The following SNTB2 variants were observed in gnomAD, a reference collection of about 807,000 sequenced individuals.
SNTB2 encodes the protein syntrophin beta 2, also known as beta-2-syntrophin.
A neutral mutation model predicts 46.2 loss-of-function variants in SNTB2; 34 were observed. That is an observed-to-expected ratio of 0.74 (90% confidence interval 0.56 to 0.98). The LOEUF (loss-of-function observed/expected upper bound fraction) is 0.98. Among genes scored for constraint, SNTB2 ranks in the 50% least tolerant of loss-of-function variants. The pLI is 0.00. For missense variants in SNTB2, 603 were observed against 731.4 expected (o/e 0.82, Z 2.02); for synonymous variants, 290 against 312.6 (o/e 0.93, Z 0.76).
At chr16:69,187,849 C>T in intron 1 of SNTB2, 103 bp downstream of exon 1, 2 of 945,074 alleles carry the variant, frequency 2.1e-6, no homozygotes, top group Non-Finnish European at 1.5e-6. Flanking sequence ...GTTCTCTCCC[C>T]GTCTCTCTCC....
chr16:69,211,618 GT>G (rs1964288111), intron 1 of SNTB2, among the ~76,000 whole-genome samples: 1 of 151,974 alleles, frequency 6.6e-6, no homozygotes, highest in South Asian at 2.1e-4. Flanking sequence ...TTGTTAATTG[GT>G]TTGTTTGTTT....
chr16:69,202,855 C>T (rs1472048582), intron 1 of SNTB2, among the ~76,000 whole-genome samples: 4 of 151,942 alleles, frequency 2.6e-5, no homozygotes, highest in Admixed American at 1.3e-4. Flanking sequence ...GGATTATAGG[C>T]GTGACCCAGC....
intron 2 of SNTB2, among the ~76,000 whole-genome samples, chr16:69,253,372 G>A (rs989184949): frequency 7.3e-5 from 11 of 151,704 alleles, no homozygotes; most frequent in African/African-American, 2.4e-4. Flanking sequence ...TTAACTGGCC[G>A]GGCGTGGTGC....
chr16:69,245,536 C>CT (rs1964662018), intron 1 of SNTB2, 66 bp from the exon 2 acceptor site: 1 of 1,449,834 alleles, frequency 6.9e-7, no homozygotes, highest in Non-Finnish European at 9.7e-7. Flanking sequence ...TATGTGAATA[C>CT]TTTAGTTATC....
At chr16:69,230,422 C>G (rs1002330184) in intron 1 of SNTB2, 28 of 151,440 alleles carry the variant, frequency 1.8e-4, no homozygotes, top group African/African-American at 6.8e-4. Flanking sequence ...AGTGCAACGG[C>G]GCAATCTCGG....
intron 1 of SNTB2, among the ~76,000 whole-genome samples, chr16:69,224,658 T>G (rs1964442441): frequency 1.3e-5 from 2 of 152,240 alleles, no homozygotes; most frequent in Admixed American, 1.3e-4. Flanking sequence ...TTTCTATTTA[T>G]CTCATGCCTA....
Position 69,196,278 on chromosome 16 carries a change from T to A in SNTB2, c.580+8532T>A, listed in dbSNP as rs557858163. Among the ~76,000 whole-genome samples the A allele has an allele frequency of 8.6e-5, 13 of 151,896 alleles. No individual in the cohort carries two copies. The South Asian group carries it at 2.7e-3, about 32-fold the overall frequency. ...CAAAAGTGGCTAAGTTGTACATTTT[T>A]AAAAACAAAAGGAATCAAAATAGAT... is the stretch of plus-strand genomic sequence containing the variant. On this transcript the variant is annotated intron_variant, in intron 1 of 6. Coordinates refer to ENST00000336278, the MANE Select transcript of SNTB2 (RefSeq NM_006750.4).
chr16:69,240,075 G>A (rs1964596145), intron 1 of SNTB2, among the ~76,000 whole-genome samples: 1 of 152,148 alleles, frequency 6.6e-6, no homozygotes, highest in African/African-American at 2.4e-5. Flanking sequence ...TACGAATAGA[G>A]CTGCTAAGAA....
rs1015896991 is a variant in SNTB2, at chr16:69,307,986, G to A, written c.*7062G>A. Reference sequence around the variant, plus strand: ...TGCCTTCCATTTATCTCTAGGGTTAGCTTTTCAGGCAACATCCTTGGTCAT... The same window carrying A: ...TGCCTTCCATTTATCTCTAGGGTTAACTTTTCAGGCAACATCCTTGGTCAT... On this transcript the variant is annotated 3_prime_UTR_variant, in exon 7 of 7. Transcript: ENST00000336278. 6.6e-6 allele frequency: 1 copy of A among 152,180 alleles called. No individual in the cohort carries two copies. Among genetic ancestry groups the A allele is most frequent in the African/African-American group, 2.4e-5 (1 of 41,420 alleles). The allele number at this position is 152,180 out of a possible 1,614,324, so 9.4% of individuals were successfully genotyped here.
intron 5 of SNTB2, among the ~76,000 whole-genome samples, chr16:69,293,576 C>T (rs1014548818): frequency 6.6e-6 from 1 of 152,072 alleles, no homozygotes; most frequent in African/African-American, 2.4e-5. Flanking sequence ...GTAGACAGCT[C>T]TTTCAAGAAG....
intron 1 of SNTB2, among the ~76,000 whole-genome samples, chr16:69,223,641 T>C (rs995234338): frequency 6.6e-6 from 1 of 152,122 alleles, no homozygotes; most frequent in African/African-American, 2.4e-5. Context: ...GTTTTGTTTT[T>C]TTTTTGAGAC....
At chr16:69,206,112 T>G (rs1166398199) in intron 1 of SNTB2, among the ~76,000 whole-genome samples, 2 of 152,108 alleles carry the variant, frequency 1.3e-5, no homozygotes, top group Non-Finnish European at 2.9e-5. Context: ...TTTTCCCGCC[T>G]TAGCCTCCCA....
chr16:69,237,400 T>G (rs374401775), intron 1 of SNTB2, among the ~76,000 whole-genome samples: 1 of 152,114 alleles, frequency 6.6e-6, no homozygotes, highest in Non-Finnish European at 1.5e-5. Flanking sequence ...TAGAATGCTG[T>G]TTTAATTCAG....
chr16:69,206,351 A>C (rs952809597), intron 1 of SNTB2, among the ~76,000 whole-genome samples: 2 of 151,990 alleles, frequency 1.3e-5, no homozygotes, highest in African/African-American at 2.4e-5. Flanking sequence ...TCTTCTCTCC[A>C]GTAGATATAC....
chr16:69,274,822 C>G (rs540647433), intron 4 of SNTB2, among the ~76,000 whole-genome samples: 3 of 152,006 alleles, frequency 2.0e-5, no homozygotes, highest in African/African-American at 7.2e-5. Context: ...GGAAAAGGAG[C>G]AGTTTTTTGA....
intron 1 of SNTB2, among the ~76,000 whole-genome samples, chr16:69,234,702 AT>A (rs199980967): frequency 0.046 from 6,250 of 136,298 alleles, 361 homozygotes; most frequent in African/African-American, 0.15. Flanking sequence ...ACAACTTGGT[AT>A]TTTTTTTTTT....
At chr16:69,287,223 C>CT (rs966638632) in intron 5 of SNTB2, among the ~76,000 whole-genome samples, 11 of 150,666 alleles carry the variant, frequency 7.3e-5, no homozygotes, top group African/African-American at 1.7e-4. Context: ...AAATTTTTTT[C>CT]TTTTTTTTTA....
At chr16:69,270,709 C>A (rs760019184) in intron 4 of SNTB2, among the ~76,000 whole-genome samples, 4 of 152,180 alleles carry the variant, frequency 2.6e-5, no homozygotes, top group Non-Finnish European at 5.9e-5. Flanking sequence ...AAATATTCTT[C>A]AACTTCTCTT....
intron 5 of SNTB2, among the ~76,000 whole-genome samples, chr16:69,288,150 G>A (rs1283610432): frequency 6.6e-6 from 1 of 152,138 alleles, no homozygotes; most frequent in Non-Finnish European, 1.5e-5. Context: ...CATTCATGCC[G>A]TTGCTACCAT....
Sources: gnomAD v4.1 joint callset for allele counts (sites outside exome capture counted in the v4.1 genomes callset) on GRCh38, gnomAD v4.1.1 for gene constraint, MANE v1.5 for transcripts, NCBI Gene and HGNC (gene_info 2026-07-23, HGNC 2026-07-21) for gene names.